Variants in JHY observed in about 807,000 individuals in gnomAD.
JHY encodes jhy protein homolog.
In JHY, 69 loss-of-function variants were observed where a neutral mutation model predicts 78.0. The ratio of observed to expected loss-of-function variants is 0.88; its 90% confidence interval spans 0.73 to 1.08. JHY has a LOEUF of 1.08. JHY is among the 50% of genes least tolerant of loss of function. JHY has a pLI of 0.00. For missense variants in JHY, 944 were observed against 927.8 expected, an observed-to-expected ratio of 1.02 and a Z score of -0.23; for synonymous variants, 368 against 342.6, an observed-to-expected ratio of 1.07 and a Z score of -0.82.
intron 2 of JHY, among the ~76,000 whole-genome samples, chr11:122,902,078 C>T (rs1186132304): frequency 6.9e-6 from 1 of 145,102 alleles, no homozygotes; most frequent in African/African-American, 2.4e-5. Context: ...CTTCTGGAAT[C>T]CCTCCTGAAG....
intron 2 of JHY, among the ~76,000 whole-genome samples, chr11:122,892,819 C>T (rs1862654046): frequency 6.6e-6 from 1 of 152,094 alleles, no homozygotes; most frequent in Non-Finnish European, 1.5e-5. Flanking sequence ...TTTCATTTCC[C>T]CCAAATTTCC....
Position 122,904,171 on chromosome 11 carries a change from C to T in JHY, c.591C>T (p.Ser197=), listed in dbSNP as rs530149940. ...AASLLGSEFL[S]PNYEHGARRS... ...CTTTACTTGGTAGTGAATTTTTAAG[C>T]CCAAACTATGAGCATGGTGCCCGTC... The change falls in exon 3 of 9, where the codon AGC becomes AGT. Residue 197 remains serine (S), a synonymous_variant. Coordinates refer to ENST00000227349, the MANE Select transcript of JHY (RefSeq NM_024806.4). The T allele has an allele frequency of 2.5e-5, 41 of 1,614,122 alleles. No individual in the cohort carries two copies. The South Asian group carries it at 4.3e-4, about 17-fold the overall frequency.
intron 3 of JHY, 67 bp downstream of exon 3, chr11:122,904,511 T>C: frequency 6.6e-7 from 1 of 1,512,534 alleles, no homozygotes; most frequent in South Asian, 1.3e-5. Context: ...GTTTGCAGTG[T>C]CTAGATATCG....
rs150880963 is a variant in JHY at position 122,913,566 on chromosome 11, C to A, written c.864+9122C>A. Among the ~76,000 whole-genome samples, 657 of 152,270 alleles carry A rather than the reference C, an allele frequency of 4.3e-3. 6 individuals carry two copies. The highest frequency in any genetic ancestry group is 0.014 in the African/African-American group (600 of 41,564). The stretch of plus-strand genomic sequence containing the variant: ...TCCAGGAACTCACAGAGCCCAGACC[C>A]GGCATTTCCTCTAGCCCCTTCCTTG... On this transcript the variant is annotated intron_variant, in intron 3 of 8. Coordinates refer to ENST00000227349, the MANE Select transcript of JHY (RefSeq NM_024806.4).
At position 122,904,155 on chromosome 11, in the gene JHY, G is replaced by A; in HGVS notation, c.575G>A (p.Gly192Asp). 6.2e-7 allele frequency: 1 copy of A among 1,614,136 alleles called. No individual in the cohort carries two copies. Residue 192 changes from glycine (G) to aspartate (D), a missense_variant, in exon 3 of 9, where the codon GGT (glycine) becomes GAT (aspartate). Coordinates refer to ENST00000227349, the MANE Select transcript of JHY (RefSeq NM_024806.4). ...CCACAGAGTGCAGCTTCTTTACTTG[G>A]TAGTGAATTTTTAAGCCCAAACTAT... is the stretch of plus-strand genomic sequence containing the variant. ...ESPQSAASLL[G>D]SEFLSPNYEH...
intron 6 of JHY, among the ~76,000 whole-genome samples, chr11:122,948,235 G>T (rs1340067083): frequency 6.6e-6 from 1 of 151,852 alleles, no homozygotes; most frequent in African/African-American, 2.4e-5. Flanking sequence ...CCTGAGGTCA[G>T]GAGTTCGAGA....
At chr11:122,953,601 C>CAAA (rs201261407) in intron 6 of JHY, among the ~76,000 whole-genome samples, 12 of 64,470 alleles carry the variant, frequency 1.9e-4, no homozygotes, top group African/African-American at 7.0e-4. Context: ...CACTCCATCT[C>CAAA]AAAAAAAAAA....
chr11:122,931,156 C>T (rs4128284), intron 4 of JHY, among the ~76,000 whole-genome samples: 35,964 of 152,046 alleles, frequency 0.24, 4,735 homozygotes, highest in Middle Eastern at 0.32. Flanking sequence ...ATTTAACGTA[C>T]GAGTTTAGGG....
In JHY at chr11:122,963,680, C is replaced by A. The variant is rs1864356619; in HGVS notation, c.*4235C>A. On this transcript the variant is annotated 3_prime_UTR_variant, in exon 9 of 9. Transcript: ENST00000227349. Reference sequence around the variant, plus strand: ...GATCAGTGATCAATTCATAGCATTTCTGTTTCAAATATTCAAAAGCAAAAA... The same window carrying A: ...GATCAGTGATCAATTCATAGCATTTATGTTTCAAATATTCAAAAGCAAAAA... Among the ~76,000 whole-genome samples the A allele has an allele frequency of 6.6e-6, 1 of 151,158 alleles. No homozygotes were observed. The highest frequency in any genetic ancestry group is 2.5e-5 in the African/African-American group (1 of 40,610).
At position 122,886,171 on chromosome 11, in the gene JHY, TGGGACCA is replaced by T. The variant is rs1862493050; in HGVS notation, c.326_332del (p.Asp109AlafsTer9). On this transcript the variant is annotated frameshift_variant, in exon 2 of 9. Coordinates refer to ENST00000227349, the MANE Select transcript of JHY (RefSeq NM_024806.4). LOFTEE classifies it high-confidence loss of function. ...GGCTCGCGAGCAAAACCACCATACCTGGGACCAGGGCGCCAATAACAGGTAAGGAATT... is the reference window on the plus strand; with the variant it reads ...GGCTCGCGAGCAAAACCACCATACCTGGGCGCCAATAACAGGTAAGGAATT... 2 of 1,611,902 alleles carry T rather than the reference TGGGACCA, an allele frequency of 1.2e-6. No individual in the cohort carries two copies. The highest frequency in any genetic ancestry group is 1.7e-6 in the Non-Finnish European group (2 of 1,178,566).
chr11:122,928,784 G>A lies in JHY; in HGVS notation c.978+3774G>A, dbSNP rs181613101. Among the ~76,000 whole-genome samples the A allele has an allele frequency of 4.0e-5, 6 of 151,700 alleles. No homozygotes were observed. In the East Asian group the frequency reaches 1.2e-3, roughly 30 times the overall value. On this transcript the variant is annotated intron_variant, in intron 4 of 8. Transcript: ENST00000227349. Reference sequence around the variant, plus strand: ...CTGCCTCAGCTTCCTGAGTAGCTGGGACTATAGGCACCCGCCACCACGCCC... The same window carrying A: ...CTGCCTCAGCTTCCTGAGTAGCTGGAACTATAGGCACCCGCCACCACGCCC...
Position 122,957,412 on chromosome 11 carries a change from A to G in JHY, c.2060A>G (p.Tyr687Cys). The G allele has an allele frequency of 2.6e-6, 4 of 1,536,108 alleles. No homozygotes were observed. Among genetic ancestry groups the G allele is most frequent in the Non-Finnish European group, 3.5e-6 (4 of 1,153,674 alleles). The change falls in exon 8 of 9, where the codon TAC becomes TGC. Residue 687 changes from tyrosine to cysteine, a missense_variant. By Grantham distance (194) the Tyr-to-Cys change is radical. Transcript: ENST00000227349. Reference protein sequence around the residue: ...QKEYAKQVKEYNMKTLSILSK... With the variant: ...QKEYAKQVKECNMKTLSILSK... ...GAATATGCAAAACAAGTCAAGGAGTACAACATGAAGACACTATCCATTCTA... is the reference window on the plus strand; with the variant it reads ...GAATATGCAAAACAAGTCAAGGAGTGCAACATGAAGACACTATCCATTCTA...
rs748388364 is a variant in JHY, at chr11:122,904,041, C to T, written c.461C>T (p.Ser154Phe). 16 of 1,614,008 alleles carry T rather than the reference C, an allele frequency of 9.9e-6. No individual in the cohort carries two copies. The highest frequency in any genetic ancestry group is 2.2e-5 in the East Asian group (1 of 44,898). Residue 154 changes from serine (S) to phenylalanine (F), a missense_variant, in exon 3 of 9, where the codon TCT becomes TTT. Transcript: ENST00000227349. ...VEALPESTDS[S>F]LENLPLAPLY... The stretch of plus-strand genomic sequence containing the variant: ...GCGTTGCCGGAGTCCACGGACAGCT[C>T]TTTAGAAAATCTGCCTTTGGCTCCC...
chr11:122,943,298 A>C (rs573541870), intron 5 of JHY, among the ~76,000 whole-genome samples: 61 of 152,270 alleles, frequency 4.0e-4, no homozygotes, highest in Non-Finnish European at 6.8e-4. Flanking sequence ...TATATCTAAC[A>C]AAACAATTAT....
chr11:122,960,726 A>G lies in JHY; in HGVS notation c.*1281A>G, dbSNP rs1037272101. 4.5e-6 allele frequency: 2 copies of G among 444,678 alleles called. No individual in the cohort carries two copies. Among genetic ancestry groups the G allele is most frequent in the Non-Finnish European group, 4.5e-6 (1 of 223,682 alleles). The allele number at this position is 444,678 out of a possible 1,614,324, so 27.5% of individuals were successfully genotyped here. A position where few individuals can be genotyped will look rare whatever the true frequency, so the allele number is the denominator to read the frequency against. On this transcript the variant is annotated 3_prime_UTR_variant, in exon 9 of 9. Transcript: ENST00000227349. ...TGCTTATCAACTCAATGAGCAAAAC[A>G]TTGCCCAACTAGAAGAGGTGAAGCA... is the stretch of plus-strand genomic sequence containing the variant.
chr11:122,929,927 T>G (rs1209327387), intron 4 of JHY, among the ~76,000 whole-genome samples: 1 of 152,072 alleles, frequency 6.6e-6, no homozygotes, highest in Non-Finnish European at 1.5e-5. Context: ...ACTAAAAGTT[T>G]ATTGGTGGCC....
chr11:122,939,888 G>C (rs367978718), intron 5 of JHY, among the ~76,000 whole-genome samples: 1 of 145,826 alleles, frequency 6.9e-6, no homozygotes, highest in Non-Finnish European at 1.5e-5. Context: ...GAATATTAAC[G>C]TTATTGTACA....
chr11:122,929,816 A>G (rs1342256362), intron 4 of JHY, among the ~76,000 whole-genome samples: 1 of 152,170 alleles, frequency 6.6e-6, no homozygotes, highest in Non-Finnish European at 1.5e-5. Flanking sequence ...TTCAATCTGG[A>G]TAAGAATCCT....
intron 4 of JHY, among the ~76,000 whole-genome samples, chr11:122,932,664 C>T (rs533182171): frequency 1.2e-4 from 18 of 152,190 alleles, no homozygotes; most frequent in South Asian, 2.1e-4. Context: ...TTGACCTTCA[C>T]GAATAGTGCT....
Sources: allele counts gnomAD v4.1 joint callset (sites outside exome capture counted in the v4.1 genomes callset), GRCh38; gene constraint gnomAD v4.1.1; transcripts MANE v1.5; gene names NCBI Gene and HGNC (gene_info 2026-07-23, HGNC 2026-07-21).